The following NEGR1 variants were observed in gnomAD, a reference collection of about 807,000 sequenced individuals.
NEGR1 encodes IgLON family member 4.
A neutral mutation model predicts 40.9 loss-of-function variants in NEGR1; 10 were observed. The ratio of observed to expected loss-of-function variants is 0.24; its 90% CI spans 0.15 to 0.42. The LOEUF (loss-of-function observed/expected upper bound fraction) is 0.42. Ranked by LOEUF, NEGR1 falls within the 10% of genes least tolerant of loss-of-function variation. The probability of loss-of-function intolerance (pLI) is 1.00; values close to 1 mark genes in which losing one functional copy is unlikely to be tolerated. For synonymous variants in NEGR1, 185 were observed against 166.8 expected, an observed-to-expected ratio of 1.11 and a Z score of -0.84; for missense variants, 352 against 438.9, an observed-to-expected ratio of 0.80 and a Z score of 1.77.
intron 1 of NEGR1, among the ~76,000 whole-genome samples, chr1:72,104,738 G>A (rs888929124): frequency 2.0e-5 from 3 of 151,940 alleles, no homozygotes; most frequent in Admixed American, 2.0e-4. Flanking sequence ...TTTTTAAATT[G>A]TCCGATTTAG....
At chr1:71,727,774 C>T (rs1654720081) in intron 3 of NEGR1, among the ~76,000 whole-genome samples, 1 of 152,094 alleles carries the variant, frequency 6.6e-6, no homozygotes, top group African/African-American at 2.4e-5. Flanking sequence ...AGGTATAACA[C>T]AAAGGCAAAA....
At chr1:71,730,569 TTATA>T (rs56382019) in intron 3 of NEGR1, among the ~76,000 whole-genome samples, 4 of 134,724 alleles carry the variant, frequency 3.0e-5, no homozygotes, top group South Asian at 4.7e-4. Flanking sequence ...TAGTATAAAT[TTATA>T]TATATATATA....
intron 1 of NEGR1, among the ~76,000 whole-genome samples, chr1:71,976,555 A>G (rs1646305788): frequency 1.3e-5 from 2 of 152,234 alleles, no homozygotes; most frequent in African/African-American, 4.8e-5. Flanking sequence ...AGGAGCTGGC[A>G]GAATTTTTTT....
intron 4 of NEGR1, among the ~76,000 whole-genome samples, chr1:71,616,973 C>T (rs746773727): frequency 2.5e-4 from 38 of 152,276 alleles, no homozygotes; most frequent in Non-Finnish European, 4.3e-4. Flanking sequence ...GACTGGCTAT[C>T]CAACAAGGCC....
At chr1:71,885,993 T>A (rs1660712576) in intron 2 of NEGR1, among the ~76,000 whole-genome samples, 3 of 152,208 alleles carry the variant, frequency 2.0e-5, no homozygotes, top group Non-Finnish European at 4.4e-5. Context: ...ACTTAGGTAA[T>A]TAAATCTTGC....
At chr1:71,528,943 G>C (rs1303107230) in intron 6 of NEGR1, among the ~76,000 whole-genome samples, 1 of 151,194 alleles carries the variant, frequency 6.6e-6, no homozygotes, top group African/African-American at 2.4e-5. Context: ...CAACTTAAGA[G>C]TCTACATTGA....
intron 1 of NEGR1, among the ~76,000 whole-genome samples, chr1:72,138,141 T>C (rs1346522997): frequency 1.3e-5 from 2 of 152,082 alleles, no homozygotes; most frequent in Non-Finnish European, 2.9e-5. Flanking sequence ...GTAGAAAGGG[T>C]AACATGATGG....
At chr1:71,810,074 T>C (rs1044273674) in intron 2 of NEGR1, among the ~76,000 whole-genome samples, 2 of 152,126 alleles carry the variant, frequency 1.3e-5, no homozygotes, top group African/African-American at 4.8e-5. Context: ...GAGGAAATAA[T>C]ATATTATCAT....
rs749870852 is a variant in NEGR1, at chr1:71,798,983, C to T, written c.410-22686G>A. ...TTAAAATTATATCCTCACTTATCTG[C>T]CTTTTTAGACTGTGAGCCTTGAGCC... On this transcript the variant is annotated intron_variant, in intron 2 of 6. Coordinates refer to ENST00000357731, the MANE Select transcript of NEGR1 (RefSeq NM_173808.3). 4.6e-5 allele frequency among the ~76,000 whole-genome samples: 7 copies of T among 151,710 alleles called. No individual in the cohort carries two copies. The East Asian group carries it at 5.8e-4, about 13-fold the overall frequency.
chr1:71,416,228 G>C (rs188372570), intron 6 of NEGR1, among the ~76,000 whole-genome samples: 2 of 152,136 alleles, frequency 1.3e-5, no homozygotes, highest in Non-Finnish European at 2.9e-5. Flanking sequence ...ATACATGTGG[G>C]TATGTGGGTG....
At chr1:72,026,897 T>C (rs1251596725) in intron 1 of NEGR1, among the ~76,000 whole-genome samples, 2 of 152,082 alleles carry the variant, frequency 1.3e-5, no homozygotes, top group Non-Finnish European at 2.9e-5. Context: ...GATAATAGTC[T>C]TAAGACTCAT....
chr1:71,522,162 G>A (rs1647162069), intron 6 of NEGR1, among the ~76,000 whole-genome samples: 1 of 151,902 alleles, frequency 6.6e-6, no homozygotes, highest in African/African-American at 2.4e-5. Flanking sequence ...GATTAAAAAG[G>A]ATATAATACA....
At chr1:72,114,189 C>T (rs1048613716) in intron 1 of NEGR1, among the ~76,000 whole-genome samples, 4 of 151,458 alleles carry the variant, frequency 2.6e-5, no homozygotes, top group African/African-American at 7.3e-5. Context: ...ATGAGATTAA[C>T]ATTTAAATCA....
At chr1:71,676,495 A>G (rs1652641425) in intron 4 of NEGR1, among the ~76,000 whole-genome samples, 1 of 152,208 alleles carries the variant, frequency 6.6e-6, no homozygotes, top group Admixed American at 6.6e-5. Context: ...AGGAAACAGC[A>G]ACAATAACAA....
intron 4 of NEGR1, among the ~76,000 whole-genome samples, chr1:71,640,720 T>G (rs1314694670): frequency 6.6e-6 from 1 of 152,072 alleles, no homozygotes; most frequent in East Asian, 1.9e-4. Context: ...CATTTATTAT[T>G]TATTAAAAAT....
rs1006339981 is a variant in NEGR1, at chr1:71,428,665, TAATA to T, written c.941-21099_941-21096del. On this transcript the variant is annotated intron_variant, in intron 6 of 6. Transcript: ENST00000357731. The stretch of plus-strand genomic sequence containing the variant: ...ATTTATATAAATTTATTTTTTATTA[TAATA>T]AATAAATTTATTTTATTATATAAAT... Among the ~76,000 whole-genome samples, 14 of 149,034 alleles carry T rather than the reference TAATA, an allele frequency of 9.4e-5. No individual in the cohort carries two copies. In the South Asian group the frequency reaches 1.0e-3, roughly 11 times the overall value.
intron 4 of NEGR1, among the ~76,000 whole-genome samples, chr1:71,666,422 G>A (rs1019012668): frequency 4.6e-5 from 7 of 152,074 alleles, no homozygotes; most frequent in African/African-American, 1.7e-4. Flanking sequence ...TGTTTTAGAA[G>A]CTAAAGCATA....
intron 1 of NEGR1, among the ~76,000 whole-genome samples, chr1:72,075,770 G>T (rs1647703626): frequency 6.6e-6 from 1 of 152,156 alleles, no homozygotes; most frequent in Non-Finnish European, 1.5e-5. Flanking sequence ...GTTGAATATA[G>T]AATTTCTCCT....
intron 1 of NEGR1, among the ~76,000 whole-genome samples, chr1:71,946,941 C>T (rs1646024907): frequency 6.6e-6 from 1 of 151,136 alleles, no homozygotes; most frequent in Admixed American, 6.6e-5. Flanking sequence ...CTTAGCTAGA[C>T]ATGGTGGTGT....
Sources: gnomAD v4.1 joint callset for allele counts (sites outside exome capture counted in the v4.1 genomes callset) on GRCh38, gnomAD v4.1.1 for gene constraint, MANE v1.5 for transcripts, NCBI Gene and HGNC (gene_info 2026-07-23, HGNC 2026-07-21) for gene names.